The following TMEM117 variants were observed in gnomAD, a reference collection of about 807,000 sequenced individuals.
TMEM117 encodes the protein transmembrane protein 117.
Under a neutral mutation model 52.4 loss-of-function variants are expected in TMEM117, and 27 were observed. That is an observed-to-expected ratio of 0.51 (90% CI 0.38 to 0.71). The LOEUF (loss-of-function observed/expected upper bound fraction) is 0.71, where lower values mean the gene tolerates loss of function less well. TMEM117 is among the 30% of genes least tolerant of loss of function. The pLI is 0.00. For missense variants in TMEM117, 556 were observed against 630.5 expected (o/e 0.88, Z 1.26); for synonymous variants, 215 against 206.3 (o/e 1.04, Z -0.36).
chr12:43,924,815 G>T (rs760083949), intron 2 of TMEM117, among the ~76,000 whole-genome samples: 6 of 152,126 alleles, frequency 3.9e-5, no homozygotes, highest in Non-Finnish European at 8.8e-5. Context: ...CTTAAAACAA[G>T]AATAAACATT....
intron 3 of TMEM117, among the ~76,000 whole-genome samples, chr12:43,946,457 G>T (rs1447597405): frequency 1.3e-5 from 2 of 150,396 alleles, no homozygotes; most frequent in Non-Finnish European, 2.9e-5. Flanking sequence ...TTCTGAGGAA[G>T]GGAGCAGATT....
intron 6 of TMEM117, among the ~76,000 whole-genome samples, chr12:44,356,256 G>T (rs1385637650): frequency 6.6e-6 from 1 of 152,074 alleles, no homozygotes; most frequent in Non-Finnish European, 1.5e-5. Context: ...ACAGATAAAT[G>T]AACTGCATTT....
intron 3 of TMEM117, among the ~76,000 whole-genome samples, chr12:44,087,075 A>G (rs1484413653): frequency 1.3e-5 from 2 of 149,900 alleles, no homozygotes; most frequent in Non-Finnish European, 3.0e-5. Flanking sequence ...GCCAAAGAGT[A>G]TGATGCCTTT....
chr12:43,899,144 A>T (rs1355439972), intron 2 of TMEM117, among the ~76,000 whole-genome samples: 1 of 152,240 alleles, frequency 6.6e-6, no homozygotes, highest in East Asian at 1.9e-4. Context: ...TGTTTTCTGT[A>T]GATTCATATT....
In TMEM117 at chr12:43,849,975, A is replaced by G. The variant is rs200915073; in HGVS notation, c.277+5047A>G. ...CCTCTTGTTCATTATGGATTTTGCT[A>G]GTGGAATTATTTTTTTCATATTGCT... On this transcript the variant is annotated intron_variant, in intron 2 of 7. Transcript: ENST00000266534. Among the ~76,000 whole-genome samples the G allele has an allele frequency of 9.9e-4, 151 of 152,232 alleles. 1 individual carries two copies. The highest frequency in any genetic ancestry group is 3.5e-3 in the African/African-American group (147 of 41,540).
intron 3 of TMEM117, among the ~76,000 whole-genome samples, chr12:43,945,051 CAGT>C (rs1440234171): frequency 6.6e-6 from 1 of 151,742 alleles, no homozygotes; most frequent in African/African-American, 2.4e-5. Flanking sequence ...GCGGAGGTTG[CAGT>C]GAGCCAAGAT....
intron 3 of TMEM117, among the ~76,000 whole-genome samples, chr12:44,038,498 A>G (rs1946746458): frequency 6.6e-6 from 1 of 151,998 alleles, no homozygotes. Context: ...CCCATACTCA[A>G]TTGCTCACAC....
At chr12:44,188,140 G>A (rs1027682824) in intron 4 of TMEM117, among the ~76,000 whole-genome samples, 3 of 152,104 alleles carry the variant, frequency 2.0e-5, no homozygotes, top group African/African-American at 7.2e-5. Flanking sequence ...AAGCTGGCCA[G>A]TGTGAGCTAC....
chr12:44,211,265 G>A (rs777662685), intron 4 of TMEM117, 25 bp from the exon 5 acceptor site: 16 of 1,486,564 alleles, frequency 1.1e-5, no homozygotes, highest in Non-Finnish European at 1.5e-5. Flanking sequence ...TGAAAGTGCT[G>A]AATAAGTTCC....
intron 3 of TMEM117, among the ~76,000 whole-genome samples, chr12:44,130,620 A>T (rs1304501776): frequency 6.6e-6 from 1 of 152,140 alleles, no homozygotes; most frequent in Non-Finnish European, 1.5e-5. Flanking sequence ...CCATTGTAGG[A>T]CTGTACTATA....
At chr12:43,925,301 A>AT (rs5797883) in intron 2 of TMEM117, among the ~76,000 whole-genome samples, 65 of 148,624 alleles carry the variant, frequency 4.4e-4, no homozygotes, top group Non-Finnish European at 7.6e-4. Context: ...GCCAAAAAAA[A>AT]TTTTTTTTTT....
chr12:44,381,557 G>C (rs1952020818), intron 7 of TMEM117, among the ~76,000 whole-genome samples: 1 of 152,144 alleles, frequency 6.6e-6, no homozygotes, highest in Non-Finnish European at 1.5e-5. Context: ...TGGGCAAAAG[G>C]CCAGAAGGAA....
intron 6 of TMEM117, among the ~76,000 whole-genome samples, chr12:44,346,342 T>C (rs1044159668): frequency 2.0e-5 from 3 of 152,140 alleles, no homozygotes; most frequent in African/African-American, 7.2e-5. Flanking sequence ...TGATGCTTTT[T>C]CTGTGTGAGT....
chr12:43,962,697 G>A (rs1945422398), intron 3 of TMEM117, among the ~76,000 whole-genome samples: 1 of 152,136 alleles, frequency 6.6e-6, no homozygotes, highest in East Asian at 1.9e-4. Flanking sequence ...GAGGTGGGCG[G>A]ATCACGAGGT....
At chr12:44,090,611 A>G (rs1330764945) in intron 3 of TMEM117, among the ~76,000 whole-genome samples, 1 of 151,022 alleles carries the variant, frequency 6.6e-6, no homozygotes, top group Non-Finnish European at 1.5e-5. Flanking sequence ...TAATTTTTGT[A>G]TTTTTAGTAG....
the TMEM117 span, chr12:43,802,548 A>G: frequency 3.0e-6 from 3 of 986,272 alleles, no homozygotes; most frequent in Non-Finnish European, 4.6e-6. Context: ...AAATAAATAT[A>G]TAGTCATTTC....
intron 4 of TMEM117, among the ~76,000 whole-genome samples, chr12:44,156,314 T>C (rs1484912505): frequency 6.6e-6 from 1 of 152,082 alleles, no homozygotes; most frequent in African/African-American, 2.4e-5. Flanking sequence ...TGAATACAAA[T>C]ATCATTAAGC....
chr12:44,230,777 TCACTTTC>T lies in TMEM117; in HGVS notation c.608+19394_608+19400del, dbSNP rs140548718. Reference sequence around the variant, plus strand: ...CTTGGGCCTTTAGCTTCATTCCTTGTCACTTTCCACCTACAATTCTCTTTGACATTCT... The same window carrying T: ...CTTGGGCCTTTAGCTTCATTCCTTGTCACCTACAATTCTCTTTGACATTCT... On this transcript the variant is annotated intron_variant, in intron 5 of 7. Transcript: ENST00000266534. Among the ~76,000 whole-genome samples the T allele has an allele frequency of 8.0e-3, 1,213 of 152,140 alleles. 20 individuals are homozygous for T. Among genetic ancestry groups the T allele is most frequent in the African/African-American group, 0.027 (1,128 of 41,536 alleles).
intron 4 of TMEM117, among the ~76,000 whole-genome samples, chr12:44,148,582 A>C (rs1045188579): frequency 3.3e-5 from 5 of 152,044 alleles, no homozygotes; most frequent in Non-Finnish European, 7.4e-5. Context: ...TTTTTCATAC[A>C]CTTTGTATTT....
Sources: gnomAD v4.1 joint callset for allele counts (sites outside exome capture counted in the v4.1 genomes callset) on GRCh38, gnomAD v4.1.1 for gene constraint, MANE v1.5 for transcripts, NCBI Gene and HGNC (gene_info 2026-07-23, HGNC 2026-07-21) for gene names.